GLIS3: variants seen among roughly 807,000 people sequenced by gnomAD.
GLIS3 encodes GLIS family zinc finger 3.
In GLIS3, 53 loss-of-function variants were observed where a neutral mutation model predicts 78.6. The observed-to-expected ratio is 0.67, with a 90% CI of 0.54 to 0.85. GLIS3 has a LOEUF of 0.85. GLIS3 is among the 40% of genes least tolerant of loss of function. The pLI is 0.00. For missense variants in GLIS3, 1,703 were observed against 1,231.1 expected, an observed-to-expected ratio of 1.38 and a Z score of -5.74; for synonymous variants, 684 against 509.9, an observed-to-expected ratio of 1.34 and a Z score of -4.60.
chr9:4,418,795 G>C, the GLIS3 span, among the ~76,000 whole-genome samples: 2 of 152,210 alleles, frequency 1.3e-5, no homozygotes, highest in Non-Finnish European at 2.9e-5. Context: ...TTTGAGTTGG[G>C]TCTTTAAGAA....
intron 4 of GLIS3, among the ~76,000 whole-genome samples, chr9:4,031,726 G>GA (rs34270516): frequency 1.3e-5 from 2 of 151,910 alleles, no homozygotes; most frequent in African/African-American, 4.8e-5. Context: ...GGTACCAAAG[G>GA]AAAAAAATAC....
chr9:4,287,813 T>C lies in GLIS3; in HGVS notation c.-98-1290A>G, dbSNP rs146024284. ...TTTCATTTTTAGAAAATCAAAAATA[T>C]CTAATTTTAACTCAAGCACTCACTA... On this transcript the variant is annotated intron_variant, in intron 1 of 10. Coordinates refer to ENST00000381971, the MANE Select transcript of GLIS3 (RefSeq NM_001042413.2). 1.5e-3 allele frequency among the ~76,000 whole-genome samples: 228 copies of C among 152,378 alleles called. 1 individual carries two copies. Among genetic ancestry groups the C allele is most frequent in the African/African-American group, 5.3e-3 (222 of 41,580 alleles).
At chr9:3,917,768 C>T (rs1226621547) in intron 6 of GLIS3, among the ~76,000 whole-genome samples, 5 of 152,118 alleles carry the variant, frequency 3.3e-5, no homozygotes, top group South Asian at 4.2e-4. Context: ...TTGAAACCAC[C>T]GTTCCTGTAT....
At chr9:3,958,197 G>T (rs1407672163) in intron 4 of GLIS3, among the ~76,000 whole-genome samples, 1 of 152,060 alleles carries the variant, frequency 6.6e-6, no homozygotes, top group Non-Finnish European at 1.5e-5. Context: ...ACAATTCAGA[G>T]TTTTCATGAA....
chr9:4,050,440 C>A (rs1026589892), intron 4 of GLIS3, among the ~76,000 whole-genome samples: 17 of 152,012 alleles, frequency 1.1e-4, no homozygotes, highest in Admixed American at 7.9e-4. Flanking sequence ...CACACCAGGG[C>A]CTGTTGGTGG....
intron 4 of GLIS3, among the ~76,000 whole-genome samples, chr9:4,006,460 G>A (rs1418935625): frequency 6.6e-6 from 1 of 152,088 alleles, no homozygotes; most frequent in East Asian, 1.9e-4. Context: ...TTTAATTGAA[G>A]TCGTGCCCCG....
At chr9:4,164,838 G>T (rs1234345519) in intron 2 of GLIS3, among the ~76,000 whole-genome samples, 1 of 152,140 alleles carries the variant, frequency 6.6e-6, no homozygotes, top group South Asian at 2.1e-4. Context: ...GCAAAGACCA[G>T]ACTTAAAAGA....
chr9:3,964,073 A>G (rs537583343), intron 4 of GLIS3, among the ~76,000 whole-genome samples: 1 of 152,146 alleles, frequency 6.6e-6, no homozygotes, highest in East Asian at 1.9e-4. Flanking sequence ...GTATTTTCCA[A>G]ACAGACACCG....
In GLIS3 at chr9:3,936,912, C is replaced by T. The variant is rs574479801; in HGVS notation, c.1872+116G>A. ...TACCAGGCTCCACTGCTGCCCTTGG[C>T]ATTGTCCCTGTAACCTGCAGACCAT... On this transcript the variant is annotated intron_variant, in intron 5 of 10. Coordinates refer to ENST00000381971, the MANE Select transcript of GLIS3 (RefSeq NM_001042413.2). 6 of 1,397,548 alleles carry T rather than the reference C, an allele frequency of 4.3e-6. No homozygotes were observed. In the African/African-American group the frequency reaches 5.7e-5, roughly 13 times the overall value. The allele number at this position is 1,397,548 out of a possible 1,614,324, so 86.6% of individuals were successfully genotyped here. A position where few individuals can be genotyped will look rare whatever the true frequency, so the allele number is the denominator to read the frequency against.
chr9:4,377,368 C>T, the GLIS3 span, among the ~76,000 whole-genome samples: 1 of 134,846 alleles, frequency 7.4e-6, no homozygotes, highest in African/African-American at 2.6e-5. Flanking sequence ...GGACATCAGA[C>T]TCCAGGTTCT....
At chr9:4,310,989 C>G (rs1029459650) in intron 2 of GLIS3, among the ~76,000 whole-genome samples, 1 of 152,188 alleles carries the variant, frequency 6.6e-6, no homozygotes, top group Admixed American at 6.5e-5. Context: ...TCAATACAGA[C>G]AAGGTGTACA....
intron 2 of GLIS3, among the ~76,000 whole-genome samples, chr9:4,282,983 C>A (rs1041534379): frequency 1.3e-5 from 2 of 152,074 alleles, no homozygotes; most frequent in Non-Finnish European, 2.9e-5. Flanking sequence ...GGTGCAAGTC[C>A]ATGACATGCA....
chr9:3,841,037 T>C (rs1426064729), intron 9 of GLIS3, among the ~76,000 whole-genome samples: 1 of 152,018 alleles, frequency 6.6e-6, no homozygotes, highest in Non-Finnish European at 1.5e-5. Context: ...GCAGAGCAGG[T>C]GGCTAAAAGC....
the GLIS3 span, among the ~76,000 whole-genome samples, chr9:4,464,803 G>A: frequency 2.6e-5 from 4 of 152,142 alleles, no homozygotes; most frequent in South Asian, 2.1e-4. Flanking sequence ...AATTGTAAAG[G>A]TTGTATGCAG....
the GLIS3 span, among the ~76,000 whole-genome samples, chr9:4,442,156 A>G: frequency 1.3e-5 from 2 of 152,070 alleles, no homozygotes; most frequent in African/African-American, 4.8e-5. Flanking sequence ...CAAATTTTCT[A>G]TTTCTTCACA....
At chr9:4,370,075 C>T in the GLIS3 span, among the ~76,000 whole-genome samples, 2 of 151,496 alleles carry the variant, frequency 1.3e-5, no homozygotes, top group Admixed American at 6.6e-5. Context: ...GCCTGTTATC[C>T]CAGCTACTCA....
intron 4 of GLIS3, among the ~76,000 whole-genome samples, chr9:3,985,391 G>T (rs191284122): frequency 6.6e-6 from 1 of 152,122 alleles, no homozygotes; most frequent in African/African-American, 2.4e-5. Flanking sequence ...CAGGCAATGT[G>T]CCTGCCTCAG....
the GLIS3 span, among the ~76,000 whole-genome samples, chr9:4,414,390 T>A: frequency 6.6e-5 from 10 of 152,278 alleles, no homozygotes; most frequent in South Asian, 2.1e-3. Context: ...AAACTTCAAA[T>A]CCTAGGCCCA....
At chr9:3,982,523 C>T (rs922498599) in intron 4 of GLIS3, among the ~76,000 whole-genome samples, 20 of 152,158 alleles carry the variant, frequency 1.3e-4, no homozygotes, top group African/African-American at 4.8e-4. Flanking sequence ...ACGGAAAACA[C>T]AGGGGAAGCT....
Sources: allele counts gnomAD v4.1 joint callset (sites outside exome capture counted in the v4.1 genomes callset), GRCh38; gene constraint gnomAD v4.1.1; transcripts MANE v1.5; gene names NCBI Gene and HGNC (gene_info 2026-07-23, HGNC 2026-07-21).